The following LIPC variants were observed in gnomAD, a reference collection of about 807,000 sequenced individuals.
The protein encoded by LIPC is lipase C, hepatic type, also known as hepatic triacylglycerol lipase.
LIPC carries 44 observed loss-of-function variants against 50.7 expected under a neutral mutation model. The ratio of observed to expected loss-of-function variants is 0.87; its 90% CI spans 0.68 to 1.11. The LOEUF is 1.11. Among genes scored for constraint, LIPC ranks in the 50% most tolerant of loss-of-function variants. The pLI, the probability that LIPC is intolerant of heterozygous loss-of-function variation, is 0.00. For synonymous variants in LIPC, 271 were observed against 256.4 expected (o/e 1.06, Z -0.54); for missense variants, 697 against 648.2 (o/e 1.08, Z -0.82).
intron 1 of LIPC, 45 bp from the exon 2 acceptor site, chr15:58,538,288 G>T: frequency 1.3e-6 from 2 of 1,580,902 alleles, no homozygotes; most frequent in Non-Finnish European, 1.7e-6. Flanking sequence ...GGCTTCAGAT[G>T]AAGCAGATGC....
chr15:58,516,298 C>T (rs1435425848), intron 1 of LIPC, among the ~76,000 whole-genome samples: 1 of 97,490 alleles, frequency 1.0e-5, no homozygotes, highest in East Asian at 3.5e-4. Flanking sequence ...TATTCTGTGG[C>T]TTGGTGTAGT....
chr15:58,534,025 T>A (rs1473573529), intron 1 of LIPC, among the ~76,000 whole-genome samples: 2 of 152,204 alleles, frequency 1.3e-5, no homozygotes, highest in Non-Finnish European at 2.9e-5. Context: ...CCTCAGTATT[T>A]GGTGACCCAG....
chr15:58,550,647 G>A lies in LIPC; in HGVS notation c.1051+2075G>A, dbSNP rs527439684. Among the ~76,000 whole-genome samples, 6 of 152,002 alleles carry A rather than the reference G, an allele frequency of 3.9e-5. No homozygotes were observed. In the South Asian group the frequency reaches 1.3e-3, roughly 32 times the overall value. On this transcript the variant is annotated intron_variant, in intron 6 of 8. Transcript: ENST00000299022. ...GAGACTAACCCACGATGAGTTCCTT[G>A]GAGACCACATTTGTGTCTCTTTATT...
intron 1 of LIPC, among the ~76,000 whole-genome samples, chr15:58,450,382 T>C (rs1595858485): frequency 6.6e-6 from 1 of 152,296 alleles, no homozygotes; most frequent in Non-Finnish European, 1.5e-5. Flanking sequence ...CTGATTCTGT[T>C]GCTGGTCCTG....
At chr15:58,468,381 G>T (rs771969943) in intron 1 of LIPC, among the ~76,000 whole-genome samples, 19 of 152,112 alleles carry the variant, frequency 1.2e-4, no homozygotes, top group Non-Finnish European at 2.6e-4. Flanking sequence ...GACATGTTAG[G>T]GTCTCACCCC....
chr15:58,466,036 GATGTTTGGGCTGTCATC>G (rs1439515421), intron 1 of LIPC, among the ~76,000 whole-genome samples: 3 of 152,204 alleles, frequency 2.0e-5, no homozygotes, highest in Admixed American at 2.0e-4. Context: ...AAAACCAACA[GATGTTTGGGCTGTCATC>G]ATTATGCCTG....
At chr15:58,535,149 A>G (rs1264129960) in intron 1 of LIPC, among the ~76,000 whole-genome samples, 2 of 152,166 alleles carry the variant, frequency 1.3e-5, no homozygotes, top group African/African-American at 4.8e-5. Flanking sequence ...TCTTCCCTAA[A>G]GCCCCTACGC....
intron 1 of LIPC, among the ~76,000 whole-genome samples, chr15:58,502,937 G>C (rs1390015023): frequency 2.2e-5 from 3 of 134,516 alleles, no homozygotes; most frequent in Admixed American, 8.3e-5. Flanking sequence ...ACAGGTATTT[G>C]AGGTGCTGAA....
chr15:58,467,327 T>G (rs532260995), intron 1 of LIPC, among the ~76,000 whole-genome samples: 1 of 152,316 alleles, frequency 6.6e-6, no homozygotes, highest in South Asian at 2.1e-4. Flanking sequence ...GCAGAACCTT[T>G]GCTTGCGGGC....
chr15:58,537,243 G>A (rs771295506), intron 1 of LIPC, among the ~76,000 whole-genome samples: 16 of 152,202 alleles, frequency 1.1e-4, no homozygotes, highest in East Asian at 1.9e-4. Flanking sequence ...AGAGGTGTCC[G>A]TCTCTGGTGC....
intron 1 of LIPC, among the ~76,000 whole-genome samples, chr15:58,464,902 G>A (rs1458448737): frequency 1.3e-5 from 2 of 152,190 alleles, no homozygotes; most frequent in African/African-American, 4.8e-5. Flanking sequence ...GAACCTGGGA[G>A]GTGGAGGTTG....
At position 58,541,905 on chromosome 15, in the gene LIPC, A is replaced by G; in HGVS notation, c.394A>G (p.Ile132Val). 6.2e-7 allele frequency: 1 copy of G among 1,611,944 alleles called. No homozygotes were observed. The part of the protein sequence containing the change: ...WITLAHDHYT[I>V]AVRNTRLVGK... Reference sequence around the variant, plus strand: ...CACCCTGGCCCACGACCACTACACCATCGCCGTCCGCAACACCCGCCTTGT... The same window carrying G: ...CACCCTGGCCCACGACCACTACACCGTCGCCGTCCGCAACACCCGCCTTGT... Residue 132 changes from isoleucine (I) to valine (V), a missense_variant, in exon 3 of 9, where the codon ATC (isoleucine) becomes GTC (valine). Coordinates refer to ENST00000299022, the MANE Select transcript of LIPC (RefSeq NM_000236.3).
intron 1 of LIPC, among the ~76,000 whole-genome samples, chr15:58,445,111 C>T (rs959952284): frequency 1.1e-4 from 17 of 152,156 alleles, no homozygotes; most frequent in African/African-American, 3.6e-4. Context: ...GGAGTGGGGG[C>T]TCAGGGAGCC....
chr15:58,540,407 G>A (rs186129401), intron 2 of LIPC, among the ~76,000 whole-genome samples: 82 of 152,186 alleles, frequency 5.4e-4, no homozygotes, highest in Admixed American at 2.2e-3. Flanking sequence ...AATCCTGGAA[G>A]GAGAGCATTA....
chr15:58,483,185 T>C (rs1224341010), intron 1 of LIPC, among the ~76,000 whole-genome samples: 1 of 152,220 alleles, frequency 6.6e-6, no homozygotes, highest in Non-Finnish European at 1.5e-5. Context: ...ATTTTTAGCA[T>C]TACTGAAATT....
chr15:58,521,102 C>T (rs1233449663), intron 1 of LIPC, among the ~76,000 whole-genome samples: 4 of 152,136 alleles, frequency 2.6e-5, no homozygotes, highest in African/African-American at 9.7e-5. Flanking sequence ...TGTTGCTGGC[C>T]AGTGGCTCCT....
At chr15:58,550,952 T>C (rs902551810) in intron 6 of LIPC, among the ~76,000 whole-genome samples, 1 of 146,126 alleles carries the variant, frequency 6.8e-6, no homozygotes, top group Non-Finnish European at 1.5e-5. Context: ...TTCTCCTGCC[T>C]CAGCCTCCTA....
intron 7 of LIPC, among the ~76,000 whole-genome samples, chr15:58,561,980 C>T (rs1894180184): frequency 6.6e-6 from 1 of 152,140 alleles, no homozygotes; most frequent in Non-Finnish European, 1.5e-5. Context: ...TTTACATGGG[C>T]TTGAGCATTT....
chr15:58,442,913 TG>T (rs1177702344), intron 1 of LIPC, among the ~76,000 whole-genome samples: 9 of 152,204 alleles, frequency 5.9e-5, no homozygotes, highest in African/African-American at 2.2e-4. Flanking sequence ...TCATTTGGTT[TG>T]GGGGGTTGTT....
Sources: gnomAD v4.1 joint callset for allele counts (sites outside exome capture counted in the v4.1 genomes callset) on GRCh38, gnomAD v4.1.1 for gene constraint, MANE v1.5 for transcripts, NCBI Gene and HGNC (gene_info 2026-07-23, HGNC 2026-07-21) for gene names.